Variants in NCKAP1 observed in about 807,000 individuals in gnomAD.
NCKAP1 encodes the protein nck-associated protein 1.
NCKAP1 carries 21 observed loss-of-function variants against 151.2 expected under a neutral mutation model. The observed-to-expected ratio is 0.14, with a 90% CI of 0.10 to 0.20. The LOEUF (loss-of-function observed/expected upper bound fraction) is 0.20, where lower values mean the gene tolerates loss of function less well. Among genes scored for constraint, NCKAP1 ranks in the 10% least tolerant of loss-of-function variants. The probability of loss-of-function intolerance (pLI) is 1.00; values close to 1 mark genes in which losing one functional copy is unlikely to be tolerated. For missense variants in NCKAP1, 933 were observed against 1,352.1 expected (o/e 0.69, Z 4.86); for synonymous variants, 484 against 451.8 (o/e 1.07, Z -0.90).
intron 29 of NCKAP1, among the ~76,000 whole-genome samples, chr2:182,927,459 T>A (rs1040036099): frequency 6.6e-6 from 1 of 152,090 alleles, no homozygotes; most frequent in Admixed American, 6.6e-5. Flanking sequence ...ACAGGATTTA[T>A]AACTGAAAAA....
intron 23 of NCKAP1, among the ~76,000 whole-genome samples, chr2:182,949,530 A>C (rs954363258): frequency 6.6e-5 from 10 of 152,242 alleles, no homozygotes; most frequent in Non-Finnish European, 1.0e-4. Context: ...GGCCAGGCAC[A>C]GTGGCTCGTG....
intron 1 of NCKAP1, among the ~76,000 whole-genome samples, chr2:183,035,862 CTAACTGAAGGCCTCGAG>C (rs556697097): frequency 1.4e-3 from 215 of 152,202 alleles, no homozygotes; most frequent in African/African-American, 4.9e-3. Flanking sequence ...TCAACCTGGC[CTAACTGAAGGCCTCGAG>C]TATCAGATAA....
chr2:182,994,690 G>C (rs1698233436), intron 8 of NCKAP1, 149 bp downstream of exon 8: 1 of 653,054 alleles, frequency 1.5e-6, no homozygotes, highest in South Asian at 2.1e-5. Flanking sequence ...TATCTACTCT[G>C]ATAGGATCAA....
intron 22 of NCKAP1, 42 bp downstream of exon 22, chr2:182,952,751 A>G (rs1259445883): frequency 1.3e-6 from 2 of 1,517,076 alleles, no homozygotes; most frequent in Non-Finnish European, 1.8e-6. Context: ...CAAAAGAATT[A>G]AGTGTTCTTC....
In NCKAP1 at chr2:183,004,966, A is replaced by C. The variant is rs550145605; in HGVS notation, c.220-1641T>G. On this transcript the variant is annotated intron_variant, in intron 2 of 30. Transcript: ENST00000361354. ...CTAAATACCAGACAAATTAAGATAT[A>C]TACTTGTAGTGACTATTTTTAGCTT... Among the ~76,000 whole-genome samples, 31 of 152,202 alleles carry C rather than the reference A, an allele frequency of 2.0e-4. 1 individual carries two copies. Among genetic ancestry groups the C allele is most frequent in the African/African-American group, 7.2e-4 (30 of 41,536 alleles).
intron 20 of NCKAP1, among the ~76,000 whole-genome samples, chr2:182,954,729 T>C (rs1386636640): frequency 6.6e-6 from 1 of 152,094 alleles, no homozygotes; most frequent in Non-Finnish European, 1.5e-5. Flanking sequence ...GAGGTTGCAG[T>C]GAGCTGAGAT....
chr2:182,937,654 A>C lies in NCKAP1; in HGVS notation c.2696-2279T>G, dbSNP rs1696905521. The stretch of plus-strand genomic sequence containing the variant: ...AAATGACTCTTCCCATTTAAAAAAT[A>C]ATGACCCAAATTAAAAAAAAAATTA... On this transcript the variant is annotated intron_variant, in intron 24 of 30. Transcript: ENST00000361354. 2.0e-5 allele frequency among the ~76,000 whole-genome samples: 3 copies of C among 152,208 alleles called. No homozygotes were observed. In the South Asian group the frequency reaches 6.2e-4, roughly 32 times the overall value.
At chr2:183,004,488 C>CAAAAAAA (rs34055584) in intron 2 of NCKAP1, among the ~76,000 whole-genome samples, 11 of 78,758 alleles carry the variant, frequency 1.4e-4, no homozygotes, top group African/African-American at 2.0e-4. Context: ...AAACAGCAAG[C>CAAAAAAA]AAAAAAAAAA....
At chr2:182,992,148 C>T (rs1171487781) in intron 8 of NCKAP1, among the ~76,000 whole-genome samples, 2 of 152,190 alleles carry the variant, frequency 1.3e-5, no homozygotes, top group African/African-American at 4.8e-5. Flanking sequence ...AGGAACCACA[C>T]TTTGAACTAA....
chr2:182,975,547 C>CA lies in NCKAP1; in HGVS notation c.1482+1345dup, dbSNP rs1330978649. Among the ~76,000 whole-genome samples, 5 of 152,036 alleles carry CA rather than the reference C, an allele frequency of 3.3e-5. 1 individual carries two copies. The highest frequency in any genetic ancestry group is 5.9e-5 in the Non-Finnish European group (4 of 67,952). ...TGTATCCATCTAAAAATGGCTTCCA[C>CA]AAAAAAATACTTCTTATATTTTCTC... On this transcript the variant is annotated intron_variant, in intron 15 of 30. Transcript: ENST00000361354.
chr2:183,004,556 C>T (rs1026189619), intron 2 of NCKAP1, among the ~76,000 whole-genome samples: 3 of 149,126 alleles, frequency 2.0e-5, no homozygotes, highest in Non-Finnish European at 4.4e-5. Context: ...GGTAAACCAC[C>T]CTAAATATTG....
intron 15 of NCKAP1, among the ~76,000 whole-genome samples, chr2:182,971,984 A>C (rs1227982687): frequency 6.6e-6 from 1 of 152,172 alleles, no homozygotes; most frequent in African/African-American, 2.4e-5. Flanking sequence ...CTGGTGAAAC[A>C]TGCCAGAATA....
rs1259971637 is a variant in NCKAP1, at chr2:182,953,268, A to G, written c.2217T>C (p.Leu739=). Residue 739 remains leucine (L), a synonymous_variant, in exon 21 of 31, where the codon CTT becomes CTC. Transcript: ENST00000361354. ...ATQEIAKPSE[L]LTSVRAYMTV... ...TCATGTATGCTCTTACACTTGTTAGAAGTTCTGAAGGTTTTGCAATTTCCT... is the reference window on the plus strand; with the variant it reads ...TCATGTATGCTCTTACACTTGTTAGGAGTTCTGAAGGTTTTGCAATTTCCT... The G allele has an allele frequency of 6.2e-7, 1 of 1,613,750 alleles. No individual in the cohort carries two copies. The highest frequency in any genetic ancestry group is 8.5e-7 in the Non-Finnish European group (1 of 1,179,816).
intron 25 of NCKAP1, 79 bp downstream of exon 25, chr2:182,935,214 C>A: frequency 1.0e-6 from 1 of 1,003,856 alleles, no homozygotes; most frequent in Non-Finnish European, 1.5e-6. Flanking sequence ...AAGCATGAAT[C>A]TGAAACTTAA....
chr2:183,029,957 A>T (rs1698975324), intron 1 of NCKAP1, among the ~76,000 whole-genome samples: 1 of 152,196 alleles, frequency 6.6e-6, no homozygotes, highest in South Asian at 2.1e-4. Flanking sequence ...AAATTATCTA[A>T]ATTATCACTC....
chr2:182,932,061 A>C (rs1696777214), intron 26 of NCKAP1, among the ~76,000 whole-genome samples: 1 of 152,184 alleles, frequency 6.6e-6, no homozygotes. Context: ...AAAACAGTTT[A>C]GCAGTTCCTC....
chr2:183,037,789 C>T (rs990740015), intron 1 of NCKAP1, among the ~76,000 whole-genome samples: 6 of 152,048 alleles, frequency 3.9e-5, no homozygotes, highest in South Asian at 2.1e-4. Context: ...TGCCTTCGGC[C>T]GGCCGGCGAA....
chr2:182,988,804 G>A (rs1156453960), intron 9 of NCKAP1, among the ~76,000 whole-genome samples: 1 of 151,932 alleles, frequency 6.6e-6, no homozygotes. Flanking sequence ...TGTTTTGAAA[G>A]GTCAGGTAAC....
chr2:182,910,953 C>A lies in NCKAP1; in HGVS notation c.*14749G>T, dbSNP rs971552679. 6.8e-6 allele frequency: 1 copy of A among 146,790 alleles called. No homozygotes were observed. The highest frequency in any genetic ancestry group is 2.5e-5 in the African/African-American group (1 of 40,374). 9.1% of individuals were successfully genotyped at this position (146,790 alleles called of 1,614,324 possible). A position where few individuals can be genotyped will look rare whatever the true frequency, so the allele number is the denominator to read the frequency against. On this transcript the variant is annotated 3_prime_UTR_variant, in exon 31 of 31. Transcript: ENST00000361354. Reference sequence around the variant, plus strand: ...AAATAAAAATAAAATCCTAAGCTCCCCCCCCACATTTGACTAAACAGACCC... The same window carrying A: ...AAATAAAAATAAAATCCTAAGCTCCACCCCCACATTTGACTAAACAGACCC...
Sources: gnomAD v4.1 joint callset for allele counts (sites outside exome capture counted in the v4.1 genomes callset) on GRCh38, gnomAD v4.1.1 for gene constraint, MANE v1.5 for transcripts, NCBI Gene and HGNC (gene_info 2026-07-23, HGNC 2026-07-21) for gene names.